The following GABRA1 variants were observed in gnomAD, a reference collection of about 807,000 sequenced individuals.
The protein encoded by GABRA1 is gamma-aminobutyric acid receptor subunit alpha-1.
GABRA1 carries 9 observed loss-of-function variants against 48.9 expected under a neutral mutation model. That is an observed-to-expected ratio of 0.18 (90% CI 0.11 to 0.32). The LOEUF is 0.32. Among genes scored for constraint, GABRA1 ranks in the 10% least tolerant of loss-of-function variants. The probability of loss-of-function intolerance (pLI) is 1.00; values close to 1 mark genes in which losing one functional copy is unlikely to be tolerated. For synonymous variants in GABRA1, 210 were observed against 198.7 expected, an observed-to-expected ratio of 1.06 and a Z score of -0.48; for missense variants, 285 against 553.8, an observed-to-expected ratio of 0.51 and a Z score of 4.87.
intron 6 of GABRA1, among the ~76,000 whole-genome samples, chr5:161,879,641 A>C (rs1288889822): frequency 6.6e-6 from 1 of 152,186 alleles, no homozygotes; most frequent in Non-Finnish European, 1.5e-5. Context: ...TGTATTCTCC[A>C]TCTTAAAATA....
upstream of GABRA1, chr5:161,847,941 G>C (rs1054295320): frequency 6.6e-6 from 1 of 151,718 alleles, no homozygotes; most frequent in African/African-American, 2.4e-5. Flanking sequence ...CCCAAAAAGA[G>C]AAGCTTGCAG....
intron 6 of GABRA1, among the ~76,000 whole-genome samples, chr5:161,878,434 T>G (rs2113398989): frequency 6.6e-6 from 1 of 152,314 alleles, no homozygotes; most frequent in Middle Eastern, 3.4e-3. Flanking sequence ...AAAAATATTT[T>G]GACTCATTTT....
rs547903306 is a variant in GABRA1 at position 161,865,758 on chromosome 5, C to A, written c.225C>A (p.Thr75=). Residue 75 remains threonine, a synonymous_variant, in exon 4 of 10, where the codon ACC becomes ACA. Coordinates refer to ENST00000393943, the MANE Select transcript of GABRA1 (RefSeq NM_001127644.2). ...AAGTGAAGACTGATATCTTCGTCAC[C>A]AGTTTCGGACCCGTTTCAGACCATG... ...VTEVKTDIFV[T]SFGPVSDHDM... 6.2e-7 allele frequency: 1 copy of A among 1,612,938 alleles called. No homozygotes were observed. Among genetic ancestry groups the A allele is most frequent in the African/African-American group, 1.3e-5 (1 of 74,934 alleles).
chr5:161,865,679 C>T lies in GABRA1; in HGVS notation c.188-42C>T, dbSNP rs41304896. ...ATGTGGTGGTGAGATCTAATAAGGA[C>T]GGTTGACAGACACTCACTCGCCCAA... On this transcript the variant is annotated intron_variant, in intron 3 of 9. Transcript: ENST00000393943. 0.22 allele frequency: 329,821 copies of T among 1,491,054 alleles called. 38,705 individuals are homozygous for T. Among genetic ancestry groups the T allele is most frequent in the East Asian group, 0.25 (11,206 of 44,248 alleles). The allele number at this position is 1,491,054 out of a possible 1,614,324, so 92.4% of individuals were successfully genotyped here. A position where few individuals can be genotyped will look rare whatever the true frequency, so the allele number is the denominator to read the frequency against.
upstream of GABRA1, chr5:161,847,669 G>C (rs1367633421): frequency 6.6e-6 from 1 of 152,170 alleles, no homozygotes; most frequent in Non-Finnish European, 1.5e-5. Context: ...GTGTGGGAGT[G>C]TGTGTGTGAG....
At chr5:161,891,579 T>G (rs1453504052) in intron 8 of GABRA1, among the ~76,000 whole-genome samples, 1 of 152,190 alleles carries the variant, frequency 6.6e-6, no homozygotes, top group Non-Finnish European at 1.5e-5. Flanking sequence ...TACAATATTT[T>G]TAATGACCTA....
chr5:161,896,120 C>T (rs572471757), intron 9 of GABRA1, among the ~76,000 whole-genome samples: 1 of 152,198 alleles, frequency 6.6e-6, no homozygotes, highest in South Asian at 2.1e-4. Context: ...GTCAAATAGG[C>T]TTTCCTGTGG....
At chr5:161,883,522 A>G (rs1055929115) in intron 7 of GABRA1, among the ~76,000 whole-genome samples, 2 of 152,184 alleles carry the variant, frequency 1.3e-5, no homozygotes, top group African/African-American at 4.8e-5. Flanking sequence ...TAAAAACTGG[A>G]CTCAAACAAT....
chr5:161,849,148 T>C, intron 1 of GABRA1: 1 of 282,092 alleles, frequency 3.5e-6, no homozygotes, highest in Non-Finnish European at 7.1e-6. Flanking sequence ...AGAAACTTTC[T>C]TAACAACTGA....
intron 6 of GABRA1, among the ~76,000 whole-genome samples, chr5:161,880,767 T>G (rs1754579269): frequency 6.6e-6 from 1 of 152,174 alleles, no homozygotes; most frequent in African/African-American, 2.4e-5. Flanking sequence ...AGCTTTGTTT[T>G]AGGGACTGAA....
chr5:161,863,088 G>A (rs976707798), intron 3 of GABRA1, among the ~76,000 whole-genome samples: 17 of 151,720 alleles, frequency 1.1e-4, no homozygotes, highest in African/African-American at 3.9e-4. Context: ...TATCAATATT[G>A]TAGAAAATTC....
At chr5:161,884,060 C>T (rs1378917096) in intron 7 of GABRA1, among the ~76,000 whole-genome samples, 1 of 151,778 alleles carries the variant, frequency 6.6e-6, no homozygotes, top group Non-Finnish European at 1.5e-5. Context: ...CTAGTATTGC[C>T]TAAGTAATGA....
chr5:161,852,494 C>T (rs1156387710), intron 2 of GABRA1, among the ~76,000 whole-genome samples: 3 of 151,938 alleles, frequency 2.0e-5, no homozygotes, highest in Non-Finnish European at 4.4e-5. Context: ...GATGACCTTC[C>T]AGCATCCTTG....
At chr5:161,870,135 G>A (rs1377981503) in intron 4 of GABRA1, among the ~76,000 whole-genome samples, 1 of 152,132 alleles carries the variant, frequency 6.6e-6, no homozygotes, top group Non-Finnish European at 1.5e-5. Context: ...CCATTTTATA[G>A]ATTAAGAAAC....
intron 4 of GABRA1, chr5:161,872,916 A>AT (rs796244883): frequency 3.4e-5 from 19 of 562,258 alleles, no homozygotes; most frequent in South Asian, 4.2e-5. Context: ...CATTTTAGAT[A>AT]TTTTTTTTAA....
intron 6 of GABRA1, among the ~76,000 whole-genome samples, chr5:161,880,847 C>T (rs903756219): frequency 2.6e-5 from 4 of 152,124 alleles, no homozygotes; most frequent in African/African-American, 9.7e-5. Context: ...TTTTACACCT[C>T]ACTATATCTT....
chr5:161,852,507 A>T (rs1381795767), intron 2 of GABRA1, among the ~76,000 whole-genome samples: 2 of 152,024 alleles, frequency 1.3e-5, no homozygotes, highest in African/African-American at 4.8e-5. Flanking sequence ...CATCCTTGAA[A>T]GATGCAGGAA....
rs1370081039 is a variant in GABRA1, at chr5:161,892,256, AGCTGT to A, written c.856+1210_856+1214del. Among the ~76,000 whole-genome samples, 18 of 152,230 alleles carry A rather than the reference AGCTGT, an allele frequency of 1.2e-4. 1 individual carries two copies. Among genetic ancestry groups the A allele is most frequent in the African/African-American group, 3.9e-4 (16 of 41,464 alleles). On this transcript the variant is annotated intron_variant, in intron 8 of 9. Coordinates refer to ENST00000393943, the MANE Select transcript of GABRA1 (RefSeq NM_001127644.2). ...CAACTAGGCACCTGCTGTTTTTAAG[AGCTGT>A]GCTAAAGGATAAAAGCCTTAAGAAG...
rs59726286 is a variant in GABRA1, at chr5:161,870,946, C to CTGTGTGTGTG, written c.256-2130_256-2121dup. On this transcript the variant is annotated intron_variant, in intron 4 of 9. Transcript: ENST00000393943. ...TGAAGATTAACCAGCGAGTGTTGCT[C>CTGTGTGTGTG]TGTGTGTGTGTGTGTGTGTGTGTGT... 6.9e-4 allele frequency among the ~76,000 whole-genome samples: 97 copies of CTGTGTGTGTG among 141,510 alleles called. 1 individual carries two copies. The highest frequency in any genetic ancestry group is 2.5e-3 in the African/African-American group (93 of 36,526). 92.8% of individuals were successfully genotyped at this position (141,510 alleles called of 152,430 possible). A position where few individuals can be genotyped will look rare whatever the true frequency, so the allele number is the denominator to read the frequency against.
Sources: gnomAD v4.1 joint callset for allele counts (sites outside exome capture counted in the v4.1 genomes callset) on GRCh38, gnomAD v4.1.1 for gene constraint, MANE v1.5 for transcripts, NCBI Gene and HGNC (gene_info 2026-07-23, HGNC 2026-07-21) for gene names.